Variants in CMIP observed in about 807,000 individuals in gnomAD.
The protein encoded by CMIP is C-Maf-inducing protein.
Under a neutral mutation model 97.3 loss-of-function variants are expected in CMIP, and 13 were observed. The ratio of observed to expected loss-of-function variants is 0.13; its 90% CI spans 0.09 to 0.21. The LOEUF is 0.21. Ranked by LOEUF, CMIP falls within the 10% of genes least tolerant of loss-of-function variation. The pLI is 1.00. For missense variants in CMIP, 847 were observed against 1,024.9 expected, an observed-to-expected ratio of 0.83 and a Z score of 2.37; for synonymous variants, 538 against 436.3, an observed-to-expected ratio of 1.23 and a Z score of -2.91.
intron 1 of CMIP, among the ~76,000 whole-genome samples, chr16:81,550,388 C>G (rs971825106): frequency 2.6e-5 from 4 of 152,150 alleles, no homozygotes; most frequent in African/African-American, 9.7e-5. Context: ...GATGGCATGC[C>G]CTCCCAGCTT....
At chr16:81,603,544 A>G (rs1194949119) in intron 1 of CMIP, 2 of 430,470 alleles carry the variant, frequency 4.6e-6, no homozygotes, top group Non-Finnish European at 9.3e-6. Flanking sequence ...ACCAATATTG[A>G]TACATGATTG....
chr16:81,502,344 T>C (rs978003443), intron 1 of CMIP, among the ~76,000 whole-genome samples: 1 of 152,214 alleles, frequency 6.6e-6, no homozygotes, highest in Non-Finnish European at 1.5e-5. Context: ...ATTTCATTCA[T>C]AGATTACATG....
chr16:81,474,449 A>G (rs1907760511), intron 1 of CMIP, among the ~76,000 whole-genome samples: 1 of 151,930 alleles, frequency 6.6e-6, no homozygotes, highest in African/African-American at 2.4e-5. Context: ...GCCACCAGGT[A>G]GGCACGTCGC....
chr16:81,498,008 A>G (rs1034482422), intron 1 of CMIP, among the ~76,000 whole-genome samples: 1 of 151,890 alleles, frequency 6.6e-6, no homozygotes, highest in Non-Finnish European at 1.5e-5. Flanking sequence ...TTTCCTTTTC[A>G]TTGTTCTTTG....
chr16:81,598,968 C>CAAAAAAAAAAAAAA (rs141717317), intron 1 of CMIP, among the ~76,000 whole-genome samples: 2 of 49,874 alleles, frequency 4.0e-5, no homozygotes, highest in African/African-American at 1.6e-4. Context: ...GACTCTGTCT[C>CAAAAAAAAAAAAAA]AAAAAAAAAA....
intron 6 of CMIP, among the ~76,000 whole-genome samples, chr16:81,663,223 C>T (rs1003376125): frequency 6.6e-6 from 1 of 151,464 alleles, no homozygotes; most frequent in African/African-American, 2.4e-5. Flanking sequence ...ACTACCAGAA[C>T]GTGGAAGCAC....
At chr16:81,452,945 C>T (rs974132940) in intron 1 of CMIP, among the ~76,000 whole-genome samples, 2 of 146,514 alleles carry the variant, frequency 1.4e-5, no homozygotes, top group Non-Finnish European at 3.0e-5. Flanking sequence ...AAGAATAGCC[C>T]TGGTAGCAGT....
intron 1 of CMIP, among the ~76,000 whole-genome samples, chr16:81,451,213 C>T (rs1052499045): frequency 1.3e-5 from 2 of 152,130 alleles, no homozygotes; most frequent in Non-Finnish European, 2.9e-5. Context: ...ACTCATGGGG[C>T]GCTTTCCCCC....
intron 1 of CMIP, among the ~76,000 whole-genome samples, chr16:81,511,677 C>T (rs1301312432): frequency 6.6e-6 from 1 of 152,092 alleles, no homozygotes; most frequent in Non-Finnish European, 1.5e-5. Flanking sequence ...CCTCCCACCT[C>T]AGCCTTCCTG....
intron 10 of CMIP, among the ~76,000 whole-genome samples, chr16:81,679,577 G>T (rs1453913921): frequency 6.6e-6 from 1 of 151,992 alleles, no homozygotes; most frequent in Non-Finnish European, 1.5e-5. Context: ...TTTGTGCCGT[G>T]TGCCTGGGTG....
At chr16:81,474,769 C>T (rs550180929) in intron 1 of CMIP, among the ~76,000 whole-genome samples, 9 of 152,350 alleles carry the variant, frequency 5.9e-5, no homozygotes, top group African/African-American at 2.2e-4. Context: ...CCTGCACGCC[C>T]TTCCTGCCTC....
At chr16:81,533,574 G>A (rs1303796098) in intron 1 of CMIP, among the ~76,000 whole-genome samples, 2 of 152,170 alleles carry the variant, frequency 1.3e-5, no homozygotes, top group Non-Finnish European at 2.9e-5. Flanking sequence ...CGTCTCCCGG[G>A]TTCAAGCAGT....
chr16:81,488,256 C>A (rs1333401790), intron 1 of CMIP, among the ~76,000 whole-genome samples: 1 of 152,088 alleles, frequency 6.6e-6, no homozygotes, highest in African/African-American at 2.4e-5. Flanking sequence ...TATTCCAGAG[C>A]CAGTCTGCAT....
At chr16:81,651,334 G>A (rs956649429) in intron 3 of CMIP, 4 of 665,378 alleles carry the variant, frequency 6.0e-6, no homozygotes, top group Non-Finnish European at 7.4e-6. Context: ...TTTCCATGAT[G>A]TCAGAGAGGC....
chr16:81,473,799 G>A (rs1187784166), intron 1 of CMIP, among the ~76,000 whole-genome samples: 2 of 148,262 alleles, frequency 1.3e-5, no homozygotes, highest in African/African-American at 2.5e-5. Context: ...GTTTTACTTG[G>A]CCCACACAGT....
At chr16:81,485,782 C>G (rs1597467330) in intron 1 of CMIP, among the ~76,000 whole-genome samples, 1 of 152,252 alleles carries the variant, frequency 6.6e-6, no homozygotes, top group East Asian at 1.9e-4. Flanking sequence ...TAGTCTTATT[C>G]CCAAATGCAG....
chr16:81,627,654 C>T lies in CMIP; in HGVS notation c.477+6728C>T, dbSNP rs574204749. Among the ~76,000 whole-genome samples, 14 of 152,006 alleles carry T rather than the reference C, an allele frequency of 9.2e-5. No individual in the cohort carries two copies. The highest frequency in any genetic ancestry group is 1.7e-4 in the African/African-American group (7 of 41,438). On this transcript the variant is annotated intron_variant, in intron 3 of 20. Coordinates refer to ENST00000537098, the MANE Select transcript of CMIP (RefSeq NM_198390.3). The surrounding 1 kb of genome is among the most constrained non-coding windows in gnomAD (Gnocchi z 4.6). ...CTATGTGCCCCTGTGCTCCTGAGTC[C>T]GGAAACAGTTCTGTGGGGTCCACAT...
intron 3 of CMIP, among the ~76,000 whole-genome samples, chr16:81,642,199 T>C (rs953314874): frequency 6.6e-6 from 1 of 152,228 alleles, no homozygotes; most frequent in Admixed American, 6.5e-5. Flanking sequence ...GTAGTAGCCA[T>C]TATGACTGTA....
intron 1 of CMIP, among the ~76,000 whole-genome samples, chr16:81,452,882 TTTG>T (rs376530737): frequency 1.3e-4 from 11 of 81,542 alleles, no homozygotes; most frequent in South Asian, 3.4e-4. Flanking sequence ...TTTTTTTTGT[TTTG>T]TTTTTTTTTT....
Sources: gnomAD v4.1 joint callset for allele counts (sites outside exome capture counted in the v4.1 genomes callset) on GRCh38, gnomAD v4.1.1 for gene constraint, Gnocchi (gnomAD v3.1) non-coding constraint, MANE v1.5 for transcripts, NCBI Gene and HGNC (gene_info 2026-07-23, HGNC 2026-07-21) for gene names.